Variants in CCDC152 observed in about 807,000 individuals in gnomAD.
The protein encoded by CCDC152 is coiled-coil domain containing 152.
A neutral mutation model predicts 38.1 loss-of-function variants in CCDC152; 37 were observed. That is an observed-to-expected ratio of 0.97 (90% CI 0.75 to 1.28). The LOEUF is 1.28. Among genes scored for constraint, CCDC152 ranks in the 50% most tolerant of loss-of-function variants. The probability of loss-of-function intolerance (pLI) is 0.00; values close to 1 mark genes in which losing one functional copy is unlikely to be tolerated. For synonymous variants in CCDC152, 83 were observed against 87.1 expected (o/e 0.95, Z 0.26); for missense variants, 259 against 292.1 (o/e 0.89, Z 0.83).
chr5:42,794,143 G>A lies in CCDC152; in HGVS notation c.431-2686G>A, dbSNP rs567231402. 1.6e-4 allele frequency among the ~76,000 whole-genome samples: 25 copies of A among 152,136 alleles called. No homozygotes were observed. The South Asian group carries it at 2.5e-3, about 15-fold the overall frequency. ...ACAGAAAAGAACATGTGAGATATAG[G>A]AACTGGTAGTAAAGTCTATGAAAGG... On this transcript the variant is annotated intron_variant, in intron 6 of 8. Transcript: ENST00000361970.
intron 6 of CCDC152, among the ~76,000 whole-genome samples, chr5:42,796,411 A>G (rs1270837122): frequency 6.6e-6 from 1 of 152,148 alleles, no homozygotes; most frequent in Non-Finnish European, 1.5e-5. Flanking sequence ...AAATTTGATA[A>G]AGCATAAAGA....
At chr5:42,799,343 G>A (rs1561281428) in intron 7 of CCDC152, 32 bp from the exon 8 acceptor site, 2 of 1,149,456 alleles carry the variant, frequency 1.7e-6, no homozygotes, top group Admixed American at 2.4e-5. Context: ...ATTGTCTAGA[G>A]TTTCAATAAC....
chr5:42,790,010 A>G (rs749882346), intron 6 of CCDC152, among the ~76,000 whole-genome samples: 1 of 152,250 alleles, frequency 6.6e-6, no homozygotes, highest in African/African-American at 2.4e-5. Flanking sequence ...TATGTTCTTT[A>G]ATACTGTTAA....
rs556850971 is a variant in CCDC152 at position 42,800,362 on chromosome 5, A to G, written c.*581A>G. Reference sequence around the variant, plus strand: ...GAGAGATAAGTAAAGAAAAAAATGGAAAGCATGTCTTTGTTGTTCTTCCTC... The same window carrying G: ...GAGAGATAAGTAAAGAAAAAAATGGGAAGCATGTCTTTGTTGTTCTTCCTC... On this transcript the variant is annotated 3_prime_UTR_variant, in exon 9 of 9. Transcript: ENST00000361970. The G allele has an allele frequency of 1.1e-4, 18 of 171,214 alleles. No homozygotes were observed. The highest frequency in any genetic ancestry group is 2.0e-4 in the Non-Finnish European group (16 of 81,286). The allele number at this position is 171,214 out of a possible 1,614,324, so 10.6% of individuals were successfully genotyped here.
rs1372283342 is a variant in CCDC152 at position 42,802,050 on chromosome 5, A to C, written c.*2269A>C. The C allele has an allele frequency of 6.6e-6, 1 of 152,236 alleles. No homozygotes were observed. Among genetic ancestry groups the C allele is most frequent in the Non-Finnish European group, 1.5e-5 (1 of 68,032 alleles). The allele number at this position is 152,236 out of a possible 1,614,324, so 9.4% of individuals were successfully genotyped here. On this transcript the variant is annotated 3_prime_UTR_variant, in exon 9 of 9. Coordinates refer to ENST00000361970, the MANE Select transcript of CCDC152 (RefSeq NM_001134848.2). ...TCTCTGATAATTCAAAAATGCTAAT[A>C]AACTCTGCTCAAATGTGTTAGTTTT... is the stretch of plus-strand genomic sequence containing the variant.
At chr5:42,781,190 G>A (rs914720462) in intron 5 of CCDC152, among the ~76,000 whole-genome samples, 7 of 152,168 alleles carry the variant, frequency 4.6e-5, no homozygotes, top group Admixed American at 3.9e-4. Context: ...CAACAGCTTA[G>A]TGCACACAGT....
intron 6 of CCDC152, among the ~76,000 whole-genome samples, chr5:42,786,406 T>C (rs1417489230): frequency 6.6e-6 from 1 of 152,154 alleles, no homozygotes; most frequent in Non-Finnish European, 1.5e-5. Flanking sequence ...TTTTCTAGTT[T>C]GTGCACATAG....
In CCDC152 at chr5:42,800,511, A is replaced by G; in HGVS notation, c.*730A>G. 1 of 532,814 alleles carries G rather than the reference A, an allele frequency of 1.9e-6. No individual in the cohort carries two copies. Among genetic ancestry groups the G allele is most frequent in the South Asian group, 3.6e-5 (1 of 27,436 alleles). The allele number at this position is 532,814 out of a possible 1,614,324, so 33.0% of individuals were successfully genotyped here. On this transcript the variant is annotated 3_prime_UTR_variant, in exon 9 of 9. Coordinates refer to ENST00000361970, the MANE Select transcript of CCDC152 (RefSeq NM_001134848.2). Reference sequence around the variant, plus strand: ...GACATATTAACCAAAAGCTGCAATCACCTTTCAGTTGCTCCATCATAAAAA... The same window carrying G: ...GACATATTAACCAAAAGCTGCAATCGCCTTTCAGTTGCTCCATCATAAAAA...
chr5:42,774,623 C>G (rs1759747239), intron 4 of CCDC152, among the ~76,000 whole-genome samples: 1 of 152,082 alleles, frequency 6.6e-6, no homozygotes, highest in South Asian at 2.1e-4. Context: ...ACTCACAGTC[C>G]AAAGACACAG....
At chr5:42,792,428 G>A (rs916004264) in intron 6 of CCDC152, among the ~76,000 whole-genome samples, 2 of 152,006 alleles carry the variant, frequency 1.3e-5, no homozygotes, top group Non-Finnish European at 1.5e-5. Flanking sequence ...ATTTAATTTA[G>A]CAGTAACCAG....
chr5:42,757,232 G>T (rs991917436), intron 1 of CCDC152, among the ~76,000 whole-genome samples: 3 of 152,206 alleles, frequency 2.0e-5, no homozygotes, highest in African/African-American at 7.2e-5. Context: ...TAGGATGACG[G>T]AGAGGGAGCC....
rs575407883 is a variant in CCDC152, at chr5:42,759,472, C to G, written c.87+264C>G. On this transcript the variant is annotated intron_variant, in intron 2 of 8. Coordinates refer to ENST00000361970, the MANE Select transcript of CCDC152 (RefSeq NM_001134848.2). ...TTTTGCCAAAGTCAAACAGAAAATA[C>G]ATATAGTAGTCCCCTTATCTGAGGT... is the stretch of plus-strand genomic sequence containing the variant. Among the ~76,000 whole-genome samples, 12 of 152,298 alleles carry G rather than the reference C, an allele frequency of 7.9e-5. 2 individuals are homozygous for G. The highest frequency in any genetic ancestry group is 2.9e-4 in the African/African-American group (12 of 41,568).
At chr5:42,767,218 TTATTCAA>T (rs1246979858) in intron 3 of CCDC152, among the ~76,000 whole-genome samples, 1 of 152,072 alleles carries the variant, frequency 6.6e-6, no homozygotes, top group African/African-American at 2.4e-5. Context: ...ATGATCAAAT[TTATTCAA>T]CAACAAAGAA....
chr5:42,771,805 G>A (rs1042501229), intron 4 of CCDC152, among the ~76,000 whole-genome samples: 4 of 152,006 alleles, frequency 2.6e-5, no homozygotes, highest in Admixed American at 2.6e-4. Flanking sequence ...AGGATGAGGT[G>A]GCTTCATGGG....
Position 42,799,458 on chromosome 5 carries a change from G to T in CCDC152, c.642G>T (p.Arg214Ser). Residue 214 changes from arginine (R) to serine (S), a missense_variant and splice_region_variant, in exon 8 of 9, where the codon AGG becomes AGT. Arg to Ser is a moderately radical substitution (Grantham distance 110). Transcript: ENST00000361970. ...STVLPQSIYR[R>S]KLQHFQEEKN... Reference sequence around the variant, plus strand: ...TTTTGCCACAAAGTATCTACAGAAGGGTATGTGAGTTTTCCTCTCAGTATT... The same window carrying T: ...TTTTGCCACAAAGTATCTACAGAAGTGTATGTGAGTTTTCCTCTCAGTATT... 1 of 1,514,810 alleles carries T rather than the reference G, an allele frequency of 6.6e-7. No homozygotes were observed. Among genetic ancestry groups the T allele is most frequent in the Non-Finnish European group, 8.9e-7 (1 of 1,122,678 alleles). The allele number at this position is 1,514,810 out of a possible 1,614,324, so 93.8% of individuals were successfully genotyped here.
intron 4 of CCDC152, among the ~76,000 whole-genome samples, chr5:42,777,355 C>T (rs1440748508): frequency 1.3e-5 from 2 of 151,630 alleles, no homozygotes; most frequent in Non-Finnish European, 2.9e-5. Context: ...CCCAGCTACT[C>T]GGGGGCCGAG....
chr5:42,793,751 G>A (rs230808), intron 6 of CCDC152, among the ~76,000 whole-genome samples: 44,690 of 151,978 alleles, frequency 0.29, 7,138 homozygotes, highest in African/African-American at 0.42. Context: ...TGGGCCCACA[G>A]GCACGTGTCA....
At chr5:42,774,043 A>G (rs772220520) in intron 4 of CCDC152, among the ~76,000 whole-genome samples, 10 of 152,320 alleles carry the variant, frequency 6.6e-5, no homozygotes, top group Admixed American at 1.3e-4. Flanking sequence ...CAAGTAAAAC[A>G]TTGAGCAAAC....
At position 42,799,944 on chromosome 5, in the gene CCDC152, A is replaced by C; in HGVS notation, c.*163A>C. ...CGTACTGTATCCAATTCTGTACTGC[A>C]TTCTTGCTTAATAGTATTAACCATA... On this transcript the variant is annotated 3_prime_UTR_variant, in exon 9 of 9. Coordinates refer to ENST00000361970, the MANE Select transcript of CCDC152 (RefSeq NM_001134848.2). The C allele has an allele frequency of 2.6e-6, 2 of 759,508 alleles. No homozygotes were observed. Among genetic ancestry groups the C allele is most frequent in the Non-Finnish European group, 4.1e-6 (2 of 485,382 alleles). The allele number at this position is 759,508 out of a possible 1,614,324, so 47.0% of individuals were successfully genotyped here.
Sources: allele counts gnomAD v4.1 joint callset (sites outside exome capture counted in the v4.1 genomes callset), GRCh38; gene constraint gnomAD v4.1.1; transcripts MANE v1.5; gene names NCBI Gene and HGNC (gene_info 2026-07-23, HGNC 2026-07-21).